CLEC18A: variants seen among roughly 807,000 people sequenced by gnomAD.
CLEC18A encodes C-type lectin domain family 18 member A, also known as mannose receptor-like 1.
CLEC18A carries 5 observed loss-of-function variants against 24.0 expected under a neutral mutation model. The observed-to-expected ratio is 0.21, with a 90% CI of 0.11 to 0.44. CLEC18A has a LOEUF of 0.44. Among genes scored for constraint, CLEC18A ranks in the 20% least tolerant of loss-of-function variants. CLEC18A has a pLI of 0.99. For synonymous variants in CLEC18A, 29 were observed against 100.1 expected, an observed-to-expected ratio of 0.29 and a Z score of 4.24; for missense variants, 83 against 233.4, an observed-to-expected ratio of 0.36 and a Z score of 4.20.
chr16:69,964,750 G>A (rs1226683192), downstream of CLEC18A, among the ~76,000 whole-genome samples: 2 of 151,538 alleles, frequency 1.3e-5, no homozygotes, highest in African/African-American at 4.8e-5. Flanking sequence ...TGATCCACCC[G>A]CCTCGGCCTC....
In CLEC18A at chr16:69,954,651, A is replaced by G. The variant is rs1298251611; in HGVS notation, c.456+78A>G. ...ACTGGGCCATCTCAGAAGAGGCTAC[A>G]GTTTGTCCTAAATGTTGGGATTCCT... On this transcript the variant is annotated intron_variant, in intron 3 of 11. Coordinates refer to ENST00000288040, the MANE Select transcript of CLEC18A (RefSeq NM_001370523.4). 2.9e-5 allele frequency: 46 copies of G among 1,571,526 alleles called. No individual in the cohort carries two copies. The South Asian group carries it at 4.0e-4, about 14-fold the overall frequency.
At chr16:69,953,582 GAC>G (rs1178911212) in intron 2 of CLEC18A, 1 of 140,872 alleles carries the variant, frequency 7.1e-6, no homozygotes, top group Non-Finnish European at 1.6e-5. Flanking sequence ...CTGGGAGGCT[GAC>G]ACAAGCAGAT....
chr16:69,956,985 T>G (rs975969905), intron 3 of CLEC18A, among the ~76,000 whole-genome samples: 1 of 150,514 alleles, frequency 6.6e-6, no homozygotes, highest in Admixed American at 6.6e-5. Context: ...ATTACAGGCT[T>G]GAGCCACCAC....
At chr16:69,966,438 C>T (rs1959395022), downstream of CLEC18A, among the ~76,000 whole-genome samples, 2 of 135,760 alleles carry the variant, frequency 1.5e-5, no homozygotes, top group South Asian at 4.8e-4. Context: ...GGCCAAAACC[C>T]ACCAAAACCA....
chr16:69,945,610 G>C, the CLEC18A span, among the ~76,000 whole-genome samples: 2 of 152,252 alleles, frequency 1.3e-5, no homozygotes, highest in Admixed American at 1.3e-4. Context: ...AAATAGCTGG[G>C]ATTACAGGCA....
chr16:69,955,852 C>A (rs2059027150), intron 3 of CLEC18A, among the ~76,000 whole-genome samples: 1 of 151,882 alleles, frequency 6.6e-6, no homozygotes, highest in Non-Finnish European at 1.5e-5. Flanking sequence ...GGGTCTTCTA[C>A]ACACACCTGG....
At chr16:69,945,312 G>A in the CLEC18A span, among the ~76,000 whole-genome samples, 1 of 151,470 alleles carries the variant, frequency 6.6e-6, no homozygotes, top group African/African-American at 2.5e-5. Context: ...ATAAATGTAA[G>A]TTTTTTCCTG....
At chr16:69,945,412 G>A in the CLEC18A span, among the ~76,000 whole-genome samples, 2 of 152,222 alleles carry the variant, frequency 1.3e-5, no homozygotes, top group Admixed American at 1.3e-4. Context: ...AGCAAGTTTT[G>A]AAATCAGGTA....
At chr16:69,957,139 G>GTT (rs371769300) in intron 3 of CLEC18A, among the ~76,000 whole-genome samples, 1 of 146,712 alleles carries the variant, frequency 6.8e-6, no homozygotes. Flanking sequence ...AAGTTTTGAT[G>GTT]TTTTTTCTAT....
At chr16:69,944,716 G>T in the CLEC18A span, among the ~76,000 whole-genome samples, 16 of 139,608 alleles carry the variant, frequency 1.1e-4, no homozygotes, top group African/African-American at 3.9e-4. Context: ...GGTGCCTGTA[G>T]TCCCGGCTAC....
chr16:69,956,931 G>T (rs613775), intron 3 of CLEC18A, among the ~76,000 whole-genome samples: 4,098 of 138,406 alleles, frequency 0.03, 54 homozygotes, highest in East Asian at 0.075. Flanking sequence ...TTAGTACTCC[G>T]GACGTCAGGT....
intron 3 of CLEC18A, among the ~76,000 whole-genome samples, chr16:69,956,613 C>T (rs2152018324): frequency 1.6e-5 from 1 of 62,040 alleles, no homozygotes; most frequent in South Asian, 5.6e-4. Flanking sequence ...CTGCCTTGGC[C>T]TCCCAGAGTG....
chr16:69,943,948 C>T, the CLEC18A span, among the ~76,000 whole-genome samples: 5 of 134,024 alleles, frequency 3.7e-5, 1 homozygote, highest in Non-Finnish European at 8.7e-5. Context: ...GGCATCCAGA[C>T]CTCCCCAGCC....
At chr16:69,955,577 C>A (rs1440446665) in intron 3 of CLEC18A, among the ~76,000 whole-genome samples, 1 of 150,982 alleles carries the variant, frequency 6.6e-6, no homozygotes, top group East Asian at 2.0e-4. Flanking sequence ...GTCTCAAACT[C>A]CTGACCTCAA....
At chr16:69,945,531 G>T in the CLEC18A span, among the ~76,000 whole-genome samples, 3 of 152,206 alleles carry the variant, frequency 2.0e-5, no homozygotes, top group South Asian at 6.2e-4. Flanking sequence ...TTTTGAGATG[G>T]ATCTTGCTAT....
At chr16:69,955,816 C>G (rs1472432974) in intron 3 of CLEC18A, among the ~76,000 whole-genome samples, 1 of 150,770 alleles carries the variant, frequency 6.6e-6, no homozygotes, top group Non-Finnish European at 1.5e-5. Context: ...TCCATTTTTT[C>G]TCTTCATTCA....
chr16:69,946,656 G>T (rs537969043), upstream of CLEC18A, among the ~76,000 whole-genome samples: 1 of 149,442 alleles, frequency 6.7e-6, no homozygotes, highest in African/African-American at 2.5e-5. Context: ...CATCTGCCTC[G>T]GTCTCGGAAA....
chr16:69,965,430 G>A (rs1191106764), downstream of CLEC18A, among the ~76,000 whole-genome samples: 1 of 152,030 alleles, frequency 6.6e-6, no homozygotes, highest in African/African-American at 2.4e-5. Flanking sequence ...CGCAGCGCCC[G>A]GAGGGGCCGC....
chr16:69,953,812 C>CA (rs1192194170), intron 2 of CLEC18A: 35,420 of 109,596 alleles, frequency 0.32, 7,958 homozygotes, highest in African/African-American at 0.61. Context: ...GAGACTGTCT[C>CA]AAAAAAAAAA....
Sources: gnomAD v4.1 joint callset for allele counts (sites outside exome capture counted in the v4.1 genomes callset) on GRCh38, gnomAD v4.1.1 for gene constraint, MANE v1.5 for transcripts, NCBI Gene and HGNC (gene_info 2026-07-23, HGNC 2026-07-21) for gene names.